NAA15: variants seen among roughly 807,000 people sequenced by gnomAD.
The protein encoded by NAA15 is N-terminal acetyltransferase.
In NAA15, 34 loss-of-function variants were observed where a neutral mutation model predicts 114.0. The observed-to-expected ratio is 0.30, with a 90% confidence interval of 0.23 to 0.40. The LOEUF (loss-of-function observed/expected upper bound fraction) is 0.40. Among genes scored for constraint, NAA15 ranks in the 10% least tolerant of loss-of-function variants. NAA15 has a pLI of 1.00. For synonymous variants in NAA15, 340 were observed against 338.0 expected (o/e 1.01, Z -0.06); for missense variants, 658 against 1,004.5 (o/e 0.66, Z 4.66).
At chr4:139,341,511 C>G (rs980076619) in intron 4 of NAA15, among the ~76,000 whole-genome samples, 3 of 140,934 alleles carry the variant, frequency 2.1e-5, no homozygotes, top group Non-Finnish European at 4.5e-5. Flanking sequence ...GGAGAATGGC[C>G]TGAACCCGGG....
intron 1 of NAA15, among the ~76,000 whole-genome samples, chr4:139,333,540 GCTTCAGTAAAAAGAAAACGTT>G (rs1374006658): frequency 3.9e-5 from 6 of 151,910 alleles, no homozygotes; most frequent in African/African-American, 7.3e-5. Flanking sequence ...CAGCTTGAAA[GCTTCAGTAAAAAGAAAACGTT>G]CTTCAGTAAA....
chr4:139,359,018 T>C (rs1410179141), intron 11 of NAA15, among the ~76,000 whole-genome samples: 2 of 151,594 alleles, frequency 1.3e-5, no homozygotes, highest in Non-Finnish European at 2.9e-5. Flanking sequence ...GGCAGGAGAA[T>C]TGCTTGAACC....
intron 1 of NAA15, among the ~76,000 whole-genome samples, chr4:139,309,768 C>T (rs900647531): frequency 1.3e-5 from 2 of 152,066 alleles, no homozygotes; most frequent in African/African-American, 4.8e-5. Flanking sequence ...CTTGTTTGTG[C>T]AGAGTGACCA....
intron 1 of NAA15, among the ~76,000 whole-genome samples, chr4:139,330,982 T>G (rs1746982604): frequency 6.6e-6 from 1 of 152,152 alleles, no homozygotes; most frequent in Non-Finnish European, 1.5e-5. Flanking sequence ...TTGCATTAAC[T>G]TCTTTCCCAG....
intron 16 of NAA15, among the ~76,000 whole-genome samples, chr4:139,377,624 C>T (rs549165527): frequency 1.9e-4 from 29 of 151,678 alleles, no homozygotes; most frequent in African/African-American, 6.8e-4. Flanking sequence ...GGACACAGAA[C>T]TACCTATAAA....
At chr4:139,369,476 AC>A (rs1260617670) in intron 14 of NAA15, among the ~76,000 whole-genome samples, 1 of 152,152 alleles carries the variant, frequency 6.6e-6, no homozygotes, top group Non-Finnish European at 1.5e-5. Flanking sequence ...GCGGTGACTC[AC>A]GCCTGTAATC....
chr4:139,376,891 C>A (rs1294019524), intron 16 of NAA15, among the ~76,000 whole-genome samples: 1 of 151,958 alleles, frequency 6.6e-6, no homozygotes, highest in Non-Finnish European at 1.5e-5. Context: ...GATTATATTT[C>A]TAAAGGAAAA....
At chr4:139,339,210 T>C (rs1747301209) in intron 3 of NAA15, among the ~76,000 whole-genome samples, 1 of 152,178 alleles carries the variant, frequency 6.6e-6, no homozygotes, top group African/African-American at 2.4e-5. Flanking sequence ...AAAAAGATTA[T>C]TTTGGGCCAG....
At chr4:139,371,541 ACG>A (rs1560978525) in intron 15 of NAA15, among the ~76,000 whole-genome samples, 2 of 148,836 alleles carry the variant, frequency 1.3e-5, no homozygotes, top group African/African-American at 5.0e-5. Flanking sequence ...ACACACACAC[ACG>A]AAATATAGAA....
intron 14 of NAA15, among the ~76,000 whole-genome samples, chr4:139,367,034 CCTT>C (rs757948331): frequency 1.2e-4 from 19 of 152,190 alleles, no homozygotes; most frequent in Non-Finnish European, 2.4e-4. Context: ...TGAAGCAGCT[CCTT>C]GAGTATAGTT....
intron 9 of NAA15, among the ~76,000 whole-genome samples, chr4:139,352,423 T>A (rs924686585): frequency 1.6e-4 from 25 of 151,634 alleles, no homozygotes; most frequent in African/African-American, 6.1e-4. Flanking sequence ...GTATTTTAAT[T>A]TTAATTTTTA....
At chr4:139,354,147 C>A in intron 10 of NAA15, 49 bp downstream of exon 10, 1 of 1,431,024 alleles carries the variant, frequency 7.0e-7, no homozygotes, top group Non-Finnish European at 9.8e-7. Flanking sequence ...AATTTTAATA[C>A]ATTGTGAAAT....
intron 1 of NAA15, among the ~76,000 whole-genome samples, chr4:139,332,663 A>G (rs1279896495): frequency 7.4e-6 from 1 of 135,892 alleles, no homozygotes; most frequent in African/African-American, 2.9e-5. Flanking sequence ...GCTCACTGCA[A>G]CCTCTGCCTG....
intron 5 of NAA15, among the ~76,000 whole-genome samples, chr4:139,343,283 TC>T (rs1747473790): frequency 6.6e-6 from 1 of 152,186 alleles, no homozygotes; most frequent in Non-Finnish European, 1.5e-5. Context: ...AGTTTTCAGT[TC>T]TCTAGATAGT....
intron 3 of NAA15, among the ~76,000 whole-genome samples, chr4:139,337,762 A>G (rs1747246685): frequency 6.6e-6 from 1 of 152,224 alleles, no homozygotes; most frequent in Non-Finnish European, 1.5e-5. Context: ...ACAGACAAAG[A>G]AAAGATAACA....
chr4:139,359,270 A>C (rs1388042623), intron 11 of NAA15, among the ~76,000 whole-genome samples: 1 of 151,960 alleles, frequency 6.6e-6, no homozygotes, highest in African/African-American at 2.4e-5. Context: ...CTGGGATTAC[A>C]GGCATGCGCC....
At chr4:139,337,027 T>C in intron 3 of NAA15, 75 bp downstream of exon 3, 1 of 851,076 alleles carries the variant, frequency 1.2e-6, no homozygotes, top group Non-Finnish European at 1.8e-6. Flanking sequence ...AGTCAAAGTT[T>C]TAGATCTCTC....
intron 1 of NAA15, among the ~76,000 whole-genome samples, chr4:139,306,881 G>C (rs1421458229): frequency 6.6e-6 from 1 of 152,160 alleles, no homozygotes; most frequent in Non-Finnish European, 1.5e-5. Context: ...GTATTGGTAG[G>C]TTGGTTGCTG....
At chr4:139,308,631 T>G (rs1746107105) in intron 1 of NAA15, among the ~76,000 whole-genome samples, 1 of 152,146 alleles carries the variant, frequency 6.6e-6, no homozygotes, top group African/African-American at 2.4e-5. Context: ...GGAGTCTCAC[T>G]TTTGTCGTCC....
Sources: allele counts gnomAD v4.1 joint callset (sites outside exome capture counted in the v4.1 genomes callset), GRCh38; gene constraint gnomAD v4.1.1; transcripts MANE v1.5; gene names NCBI Gene and HGNC (gene_info 2026-07-23, HGNC 2026-07-21).